The following ABCC5 variants were observed in gnomAD, a reference collection of about 807,000 sequenced individuals.
The protein encoded by ABCC5 is ATP-binding cassette sub-family C member 5.
ABCC5 carries 61 observed loss-of-function variants against 160.9 expected under a neutral mutation model. The observed-to-expected ratio is 0.38, with a 90% CI of 0.31 to 0.47. The LOEUF (loss-of-function observed/expected upper bound fraction) is 0.47. ABCC5 is among the 20% of genes least tolerant of loss of function. The pLI is 0.99. For missense variants in ABCC5, 1,308 were observed against 1,813.3 expected, an observed-to-expected ratio of 0.72 and a Z score of 5.06; for synonymous variants, 666 against 700.6, an observed-to-expected ratio of 0.95 and a Z score of 0.78.
intron 5 of ABCC5, chr3:183,986,396 C>T (rs181443705): frequency 6.6e-6 from 1 of 152,316 alleles, no homozygotes; most frequent in East Asian, 1.9e-4. Flanking sequence ...TCCCTGGCAG[C>T]TAGAACAGTT....
Position 183,920,298 on chromosome 3 carries a change from A to C in ABCC5, c.*1002T>G, listed in dbSNP as rs1357426188. 6.5e-6 allele frequency: 1 copy of C among 152,712 alleles called. No individual in the cohort carries two copies. The highest frequency in any genetic ancestry group is 2.4e-5 in the African/African-American group (1 of 41,468). 9.5% of individuals were successfully genotyped at this position (152,712 alleles called of 1,614,324 possible). On this transcript the variant is annotated 3_prime_UTR_variant, in exon 30 of 30. Coordinates refer to ENST00000334444, the MANE Select transcript of ABCC5 (RefSeq NM_005688.4). This position sits in a 1 kb window ranked among gnomAD's most constrained non-coding sequence, Gnocchi z 4.1. ...GGTGAGAAAGGAAAACAGACCCACG[A>C]AATCCTGAGCCCTGCCACTGAACTG...
chr3:183,968,752 G>C (rs1419684950), intron 11 of ABCC5, among the ~76,000 whole-genome samples: 1 of 152,188 alleles, frequency 6.6e-6, no homozygotes, highest in East Asian at 1.9e-4. Flanking sequence ...CAGGAAGGAA[G>C]GGAGAGTGGT....
chr3:184,012,011 CACA>C (rs1721786247), intron 2 of ABCC5, among the ~76,000 whole-genome samples: 1 of 77,998 alleles, frequency 1.3e-5, no homozygotes, highest in Non-Finnish European at 2.6e-5. Flanking sequence ...ATGCATAGAA[CACA>C]ACACACACAC....
chr3:183,968,525 A>G (rs995130105), intron 11 of ABCC5, among the ~76,000 whole-genome samples: 3 of 152,218 alleles, frequency 2.0e-5, no homozygotes, highest in Non-Finnish European at 4.4e-5. Context: ...TTTTCAATAA[A>G]AACCATGGAC....
At chr3:184,002,119 C>T (rs369951124) in intron 2 of ABCC5, among the ~76,000 whole-genome samples, 4 of 151,992 alleles carry the variant, frequency 2.6e-5, no homozygotes, top group East Asian at 3.9e-4. Flanking sequence ...CAGATTCTGC[C>T]GGGTGGGGTG....
rs1310205038 is a variant in ABCC5, at chr3:183,928,766, C to A, written c.3914G>T (p.Arg1305Met). ...ACTTACACATTCTTTCATGTGTGTCCTCTCCAGGGCATCCCAAATCTGGTC... is the reference window on the plus strand; with the variant it reads ...ACTTACACATTCTTTCATGTGTGTCATCTCCAGGGCATCCCAAATCTGGTC... ...TEDQIWDALE[R>M]THMKECIAQL... Residue 1305 changes from arginine to methionine, a missense_variant, in exon 27 of 30, where the codon AGG (arginine) becomes ATG (methionine). Arg to Met is a moderately conservative substitution (Grantham distance 91). Coordinates refer to ENST00000334444, the MANE Select transcript of ABCC5 (RefSeq NM_005688.4). 2 of 1,614,132 alleles carry A rather than the reference C, an allele frequency of 1.2e-6. No individual in the cohort carries two copies. Among genetic ancestry groups the A allele is most frequent in the Non-Finnish European group, 8.5e-7 (1 of 1,179,990 alleles).
intron 25 of ABCC5, among the ~76,000 whole-genome samples, chr3:183,938,325 G>A (rs1205871481): frequency 6.6e-6 from 1 of 151,864 alleles, no homozygotes; most frequent in Non-Finnish European, 1.5e-5. Flanking sequence ...TTGAGACGGA[G>A]TCTCACTCTG....
At chr3:183,955,358 T>C (rs1715775574) in intron 17 of ABCC5, among the ~76,000 whole-genome samples, 1 of 152,214 alleles carries the variant, frequency 6.6e-6, no homozygotes, top group Non-Finnish European at 1.5e-5. Context: ...AGGATCTCTA[T>C]ATAAATGTTA....
Position 183,949,441 on chromosome 3 carries a change from A to C in ABCC5, c.3227+312T>G, listed in dbSNP as rs907853421. Among the ~76,000 whole-genome samples the C allele has an allele frequency of 6.6e-6, 1 of 152,218 alleles. No homozygotes were observed. Among genetic ancestry groups the C allele is most frequent in the Non-Finnish European group, 1.5e-5 (1 of 68,034 alleles). On this transcript the variant is annotated intron_variant, in intron 22 of 29. Coordinates refer to ENST00000334444, the MANE Select transcript of ABCC5 (RefSeq NM_005688.4). The surrounding 1 kb of genome is among the most constrained non-coding windows in gnomAD (Gnocchi z 4.2). ...TGTATTTTGTTTTGAGATGGGGTCC[A>C]CTATATTGCCCAGGCTGGACTTGAA...
chr3:183,998,681 CAAAA>C (rs11429616), intron 2 of ABCC5, among the ~76,000 whole-genome samples: 3 of 151,576 alleles, frequency 2.0e-5, no homozygotes, highest in African/African-American at 7.3e-5. Flanking sequence ...TCAAAAAAAA[CAAAA>C]AAACAAAAAA....
chr3:183,927,625 T>TC, intron 27 of ABCC5, 182 bp from the exon 28 acceptor site: 1 of 985,414 alleles, frequency 1.0e-6, no homozygotes. Flanking sequence ...TCCAAGGCAG[T>TC]CCCTGATTCC....
At chr3:183,948,733 G>A (rs567270374) in intron 22 of ABCC5, among the ~76,000 whole-genome samples, 160 of 151,646 alleles carry the variant, frequency 1.1e-3, no homozygotes, top group Non-Finnish European at 1.6e-3. Context: ...ATGGAGTCTC[G>A]CTCTTGTCGC....
intron 2 of ABCC5, chr3:184,001,210 G>C (rs1470765110): frequency 7.5e-6 from 4 of 530,398 alleles, no homozygotes; most frequent in Non-Finnish European, 1.0e-5. Context: ...CCATGGTCAT[G>C]CCACCGCACT....
At chr3:183,962,635 G>T (rs1716876062) in intron 15 of ABCC5, among the ~76,000 whole-genome samples, 1 of 151,888 alleles carries the variant, frequency 6.6e-6, no homozygotes, top group African/African-American at 2.4e-5. Context: ...GGGTTCAAGG[G>T]ATTCTCCTGC....
chr3:183,978,390 A>G, intron 9 of ABCC5, 113 bp downstream of exon 9: 5 of 1,290,048 alleles, frequency 3.9e-6, no homozygotes, highest in South Asian at 1.4e-5. Context: ...GTGCAATGGC[A>G]TGATCTTGGC....
chr3:184,009,116 C>T (rs976727871), intron 2 of ABCC5, among the ~76,000 whole-genome samples: 4 of 152,190 alleles, frequency 2.6e-5, no homozygotes, highest in African/African-American at 9.6e-5. Flanking sequence ...CCTCCTCCCT[C>T]GGCCTCCCAC....
chr3:183,957,777 T>TCCGTGTGTATATCACATCGGTTACACGC (rs1716292841), intron 17 of ABCC5, among the ~76,000 whole-genome samples: 1 of 56,220 alleles, frequency 1.8e-5, no homozygotes, highest in Non-Finnish European at 3.6e-5. Flanking sequence ...CGGTTACACG[T>TCCGTGTGTATATCACATCGGTTACACGC]AAATCCGTGT....
intron 15 of ABCC5, among the ~76,000 whole-genome samples, chr3:183,962,143 A>G (rs886241186): frequency 3.3e-4 from 51 of 152,334 alleles, no homozygotes; most frequent in African/African-American, 1.2e-3. Flanking sequence ...CCCAACGTAA[A>G]TTGAAAATAT....
At chr3:183,998,602 T>C (rs1720469287) in intron 2 of ABCC5, among the ~76,000 whole-genome samples, 2 of 152,148 alleles carry the variant, frequency 1.3e-5, no homozygotes, top group Non-Finnish European at 2.9e-5. Context: ...GGCACACCGA[T>C]GTTAGGTCAC....
Sources: gnomAD v4.1 joint callset for allele counts (sites outside exome capture counted in the v4.1 genomes callset) on GRCh38, gnomAD v4.1.1 for gene constraint, Gnocchi (gnomAD v3.1) non-coding constraint, MANE v1.5 for transcripts, NCBI Gene and HGNC (gene_info 2026-07-23, HGNC 2026-07-21) for gene names.